The following CLEC16A variants were observed in gnomAD, a reference collection of about 807,000 sequenced individuals.
CLEC16A encodes the protein protein CLEC16A.
Under a neutral mutation model 109.5 loss-of-function variants are expected in CLEC16A, and 51 were observed. That is an observed-to-expected ratio of 0.47 (90% confidence interval 0.37 to 0.59). The LOEUF is 0.59. Ranked by LOEUF, CLEC16A falls within the 20% of genes least tolerant of loss-of-function variation. The pLI is 0.00. For synonymous variants in CLEC16A, 673 were observed against 564.2 expected (o/e 1.19, Z -2.73); for missense variants, 1,339 against 1,394.0 (o/e 0.96, Z 0.63).
At chr16:11,134,182 ATTTTTT>A (rs34036131) in intron 22 of CLEC16A, among the ~76,000 whole-genome samples, 2 of 124,062 alleles carry the variant, frequency 1.6e-5, no homozygotes, top group Non-Finnish European at 3.4e-5. Context: ...CCCTTTTCTG[ATTTTTT>A]TTTTTTTTTT....
intron 1 of CLEC16A, 53 bp from the exon 2 acceptor site, chr16:10,957,729 G>C: frequency 6.3e-7 from 1 of 1,594,740 alleles, no homozygotes; most frequent in South Asian, 1.1e-5. Context: ...CATGGAACTT[G>C]GCTTGCATTT....
At chr16:11,031,123 C>T (rs781351720) in intron 13 of CLEC16A, among the ~76,000 whole-genome samples, 2 of 152,180 alleles carry the variant, frequency 1.3e-5, no homozygotes, top group Non-Finnish European at 2.9e-5. Flanking sequence ...AGGCAGAAAC[C>T]ATGTGCTCCC....
At chr16:11,087,404 T>A (rs1422014492) in intron 19 of CLEC16A, among the ~76,000 whole-genome samples, 1 of 152,158 alleles carries the variant, frequency 6.6e-6, no homozygotes, top group Non-Finnish European at 1.5e-5. Flanking sequence ...ACAGGGAGAG[T>A]GAAGCAGTTA....
chr16:11,023,612 CT>C (rs5815608), intron 12 of CLEC16A, among the ~76,000 whole-genome samples: 55 of 147,936 alleles, frequency 3.7e-4, no homozygotes, highest in South Asian at 8.5e-4. Flanking sequence ...ATTTTTCCTA[CT>C]TTTTTTTTTT....
intron 22 of CLEC16A, among the ~76,000 whole-genome samples, chr16:11,142,709 G>A (rs1176863237): frequency 6.6e-6 from 1 of 152,250 alleles, no homozygotes; most frequent in African/African-American, 2.4e-5. Flanking sequence ...CTTCAGTGAT[G>A]TGAGTTTGGG....
At chr16:11,147,267 C>T (rs1181739155) in intron 22 of CLEC16A, among the ~76,000 whole-genome samples, 1 of 152,208 alleles carries the variant, frequency 6.6e-6, no homozygotes, top group Non-Finnish European at 1.5e-5. Flanking sequence ...AGACCCCAGT[C>T]CTGTATCCCA....
chr16:10,992,138 TG>T (rs1473168096), intron 10 of CLEC16A, among the ~76,000 whole-genome samples: 1 of 152,174 alleles, frequency 6.6e-6, no homozygotes, highest in Non-Finnish European at 1.5e-5. Flanking sequence ...GTTAGTTTCA[TG>T]GGCAAAGAGA....
At chr16:11,138,635 C>T (rs944932479) in intron 22 of CLEC16A, among the ~76,000 whole-genome samples, 2 of 152,210 alleles carry the variant, frequency 1.3e-5, no homozygotes, top group Non-Finnish European at 2.9e-5. Flanking sequence ...GTGCGGCCTT[C>T]CTTACCTTTC....
intron 20 of CLEC16A, 45 bp downstream of exon 20, chr16:11,120,811 AACACACACACACACACAC>A: frequency 1.1e-6 from 1 of 933,832 alleles, no homozygotes; most frequent in Non-Finnish European, 1.5e-6. Flanking sequence ...GTTGGCTACA[AACACACACACACACACAC>A]ACACACACAC....
At chr16:11,049,813 A>C (rs533302363) in intron 17 of CLEC16A, among the ~76,000 whole-genome samples, 1 of 152,322 alleles carries the variant, frequency 6.6e-6, no homozygotes, top group South Asian at 2.1e-4. Context: ...GGGCAGCAGG[A>C]GTAGAGGGGA....
chr16:11,147,180 A>G (rs2054098411), intron 22 of CLEC16A, among the ~76,000 whole-genome samples: 1 of 152,136 alleles, frequency 6.6e-6, no homozygotes. Context: ...TGCCCGTTTG[A>G]CACCTGGCAA....
At chr16:11,025,196 T>C (rs2046340615) in intron 13 of CLEC16A, among the ~76,000 whole-genome samples, 1 of 152,218 alleles carries the variant, frequency 6.6e-6, no homozygotes, top group Non-Finnish European at 1.5e-5. Flanking sequence ...ATATTCACCC[T>C]GTGGTTTTCT....
intron 10 of CLEC16A, among the ~76,000 whole-genome samples, chr16:10,985,202 C>CA (rs1157089518): frequency 0.11 from 11,016 of 103,398 alleles, 650 homozygotes; most frequent in African/African-American, 0.16. Context: ...GACTCCATCT[C>CA]AAAAAAAAAA....
chr16:11,021,906 G>A (rs1399812677), intron 12 of CLEC16A, among the ~76,000 whole-genome samples: 6 of 152,118 alleles, frequency 3.9e-5, no homozygotes, highest in African/African-American at 1.4e-4. Context: ...TAATACTGTG[G>A]CTTTGCTAAT....
chr16:10,975,704 A>G (rs1394085529), intron 7 of CLEC16A, among the ~76,000 whole-genome samples: 5 of 151,952 alleles, frequency 3.3e-5, no homozygotes, highest in South Asian at 2.1e-4. Flanking sequence ...CTGGAGTGCA[A>G]TAGTGCAATC....
chr16:11,161,453 G>A (rs1438549191), intron 22 of CLEC16A, among the ~76,000 whole-genome samples: 4 of 152,236 alleles, frequency 2.6e-5, no homozygotes, highest in African/African-American at 9.6e-5. Context: ...CAAAGGTTGA[G>A]AGCAAGTGGT....
chr16:11,135,886 T>G (rs1231459827), intron 22 of CLEC16A, among the ~76,000 whole-genome samples: 2 of 152,178 alleles, frequency 1.3e-5, no homozygotes, highest in African/African-American at 2.4e-5. Context: ...AGGATAGAGC[T>G]CTCCAGCCTC....
intron 11 of CLEC16A, among the ~76,000 whole-genome samples, chr16:11,017,007 G>T (rs928358590): frequency 5.7e-5 from 7 of 122,910 alleles, no homozygotes; most frequent in East Asian, 3.0e-4. Flanking sequence ...GGGCGGGGGG[G>T]GGGGTGCTCC....
In CLEC16A at chr16:11,180,581, T is replaced by C. The variant is rs187888759; in HGVS notation, c.*1891T>C. ...AGGCAGCCTGTGTGTTGCTTAATTT[T>C]TTAAGAGCAAGAGGGGTAGAGAGGA... On this transcript the variant is annotated 3_prime_UTR_variant, in exon 24 of 24. Coordinates refer to ENST00000409790, the MANE Select transcript of CLEC16A (RefSeq NM_015226.3). 6.6e-6 allele frequency: 1 copy of C among 152,438 alleles called. No individual in the cohort carries two copies. Among genetic ancestry groups the C allele is most frequent in the Non-Finnish European group, 1.5e-5 (1 of 68,122 alleles). The allele number at this position is 152,438 out of a possible 1,614,324, so 9.4% of individuals were successfully genotyped here. A position where few individuals can be genotyped will look rare whatever the true frequency, so the allele number is the denominator to read the frequency against.
Sources: gnomAD v4.1 joint callset for allele counts (sites outside exome capture counted in the v4.1 genomes callset) on GRCh38, gnomAD v4.1.1 for gene constraint, MANE v1.5 for transcripts, NCBI Gene and HGNC (gene_info 2026-07-23, HGNC 2026-07-21) for gene names.